SLC24A2: variants seen among roughly 807,000 people sequenced by gnomAD.
SLC24A2 encodes solute carrier family 24 member 2.
A neutral mutation model predicts 62.0 loss-of-function variants in SLC24A2; 36 were observed. The ratio of observed to expected loss-of-function variants is 0.58; its 90% CI spans 0.44 to 0.77. The LOEUF is 0.77. SLC24A2 is among the 30% of genes least tolerant of loss of function. SLC24A2 has a pLI of 0.00. For synonymous variants in SLC24A2, 358 were observed against 294.0 expected, an observed-to-expected ratio of 1.22 and a Z score of -2.23; for missense variants, 846 against 817.9, an observed-to-expected ratio of 1.03 and a Z score of -0.42.
chr9:19,625,757 G>T (rs1818018402), intron 2 of SLC24A2, among the ~76,000 whole-genome samples: 1 of 149,364 alleles, frequency 6.7e-6, no homozygotes, highest in Non-Finnish European at 1.5e-5. Flanking sequence ...CATGATCTCA[G>T]CTCACTGCAA....
intron 2 of SLC24A2, among the ~76,000 whole-genome samples, chr9:19,716,993 T>C (rs1820879181): frequency 6.6e-6 from 1 of 152,196 alleles, no homozygotes; most frequent in Non-Finnish European, 1.5e-5. Context: ...TTCTCCCCCA[T>C]CAAACATAGT....
chr9:19,703,895 T>C (rs571808427), intron 2 of SLC24A2, among the ~76,000 whole-genome samples: 154 of 152,334 alleles, frequency 1.0e-3, no homozygotes, highest in African/African-American at 3.3e-3. Flanking sequence ...AAAATATGTA[T>C]GACTCAGCAA....
chr9:19,561,384 T>C (rs1444724338), intron 7 of SLC24A2, among the ~76,000 whole-genome samples: 1 of 152,120 alleles, frequency 6.6e-6, no homozygotes. Context: ...TTGTCTTGCC[T>C]TCTGTGTGAA....
At chr9:19,790,132 T>G (rs1173320099), upstream of SLC24A2, among the ~76,000 whole-genome samples, 1 of 152,138 alleles carries the variant, frequency 6.6e-6, no homozygotes, top group Admixed American at 6.5e-5. Flanking sequence ...GACTGAATCT[T>G]GCTATGTTGC....
the SLC24A2 span, among the ~76,000 whole-genome samples, chr9:20,134,102 G>A: frequency 1.3e-5 from 2 of 152,132 alleles, no homozygotes. Context: ...TGATATCGAT[G>A]AGAGCTGAAG....
the SLC24A2 span, among the ~76,000 whole-genome samples, chr9:20,298,636 G>C: frequency 4.2e-4 from 64 of 152,344 alleles, no homozygotes; most frequent in Non-Finnish European, 7.3e-4. Context: ...TGTTTCCAAT[G>C]ATTTCTATTA....
intron 2 of SLC24A2, among the ~76,000 whole-genome samples, chr9:19,727,682 C>T (rs1258186908): frequency 6.6e-6 from 1 of 152,148 alleles, no homozygotes; most frequent in African/African-American, 2.4e-5. Flanking sequence ...GCTATAAATC[C>T]TTTTCCAGAA....
At chr9:20,120,653 A>G in the SLC24A2 span, among the ~76,000 whole-genome samples, 1 of 152,116 alleles carries the variant, frequency 6.6e-6, no homozygotes, top group African/African-American at 2.4e-5. Context: ...CCCATGTAAC[A>G]TTTACCCATG....
At chr9:20,083,139 C>T in the SLC24A2 span, among the ~76,000 whole-genome samples, 11 of 152,338 alleles carry the variant, frequency 7.2e-5, 1 homozygote, top group Middle Eastern at 6.8e-3. Context: ...TTGTTTCCAC[C>T]TCAACTTCCA....
At chr9:19,766,841 C>G (rs1022544587) in intron 2 of SLC24A2, among the ~76,000 whole-genome samples, 1 of 152,198 alleles carries the variant, frequency 6.6e-6, no homozygotes, top group Non-Finnish European at 1.5e-5. Context: ...ATCTGCTGCT[C>G]TCTTCAGAGC....
intron 2 of SLC24A2, among the ~76,000 whole-genome samples, chr9:19,640,235 C>G (rs772651264): frequency 2.0e-4 from 31 of 152,298 alleles, no homozygotes; most frequent in East Asian, 5.8e-4. Flanking sequence ...CTAAAAATGG[C>G]TCTCCTGCTG....
the SLC24A2 span, among the ~76,000 whole-genome samples, chr9:19,999,917 C>T: frequency 2.0e-5 from 3 of 152,140 alleles, no homozygotes; most frequent in Non-Finnish European, 4.4e-5. Context: ...GACTAAAGAG[C>T]TAGACTAGGA....
chr9:19,833,146 T>G, the SLC24A2 span, among the ~76,000 whole-genome samples: 1 of 152,132 alleles, frequency 6.6e-6, no homozygotes, highest in Admixed American at 6.5e-5. Flanking sequence ...GCTCCCAGCA[T>G]GAGCGATGCA....
At chr9:19,645,381 C>A (rs186598387) in intron 2 of SLC24A2, among the ~76,000 whole-genome samples, 11 of 152,236 alleles carry the variant, frequency 7.2e-5, no homozygotes, top group Admixed American at 2.0e-4. Flanking sequence ...TGCATAGTTA[C>A]AACTAATATT....
At chr9:19,550,380 A>C in intron 7 of SLC24A2, 112 bp from the exon 8 acceptor site, 2 of 1,115,826 alleles carry the variant, frequency 1.8e-6, no homozygotes, top group Admixed American at 3.8e-5. Context: ...AGTTTTCTGG[A>C]CTCGTTCCAG....
At chr9:19,872,740 T>A in the SLC24A2 span, among the ~76,000 whole-genome samples, 6 of 152,198 alleles carry the variant, frequency 3.9e-5, no homozygotes, top group Non-Finnish European at 7.3e-5. Context: ...ATGGCAGCTC[T>A]GTTGGAAACT....
At chr9:20,039,793 G>C in the SLC24A2 span, among the ~76,000 whole-genome samples, 1 of 152,166 alleles carries the variant, frequency 6.6e-6, no homozygotes, top group East Asian at 1.9e-4. Flanking sequence ...TCAGGAAAGA[G>C]GCAGAGCTGG....
chr9:19,590,949 C>A (rs2132885044), intron 5 of SLC24A2, among the ~76,000 whole-genome samples: 1 of 152,266 alleles, frequency 6.6e-6, no homozygotes, highest in African/African-American at 2.4e-5. Flanking sequence ...GTCACCTTTT[C>A]ACTGCCCTCC....
the SLC24A2 span, among the ~76,000 whole-genome samples, chr9:20,099,483 G>A: frequency 3.9e-5 from 6 of 152,050 alleles, no homozygotes; most frequent in South Asian, 2.1e-4. Context: ...TATCCTATAC[G>A]TTCTTATAGT....
Sources: allele counts gnomAD v4.1 joint callset (sites outside exome capture counted in the v4.1 genomes callset), GRCh38; gene constraint gnomAD v4.1.1; transcripts MANE v1.5; gene names NCBI Gene and HGNC (gene_info 2026-07-23, HGNC 2026-07-21).